Variants in TEAD1 observed in about 807,000 individuals in gnomAD.
TEAD1 encodes TEA domain transcription factor 1, also known as transcriptional enhancer factor TEF-1.
A neutral mutation model predicts 54.9 loss-of-function variants in TEAD1; 9 were observed. The ratio of observed to expected loss-of-function variants is 0.16; its 90% CI spans 0.10 to 0.29. TEAD1 has a LOEUF of 0.29. TEAD1 is among the 10% of genes least tolerant of loss of function. TEAD1 has a pLI of 1.00. For synonymous variants in TEAD1, 200 were observed against 187.8 expected (o/e 1.07, Z -0.53); for missense variants, 387 against 535.9 (o/e 0.72, Z 2.74).
At chr11:12,799,857 T>C (rs1229069117) in intron 3 of TEAD1, among the ~76,000 whole-genome samples, 3 of 152,332 alleles carry the variant, frequency 2.0e-5, no homozygotes, top group Non-Finnish European at 4.4e-5. Context: ...TTTAAACTTA[T>C]ATCCCAAGCC....
intron 3 of TEAD1, among the ~76,000 whole-genome samples, chr11:12,812,374 C>G (rs1011217536): frequency 6.6e-6 from 1 of 151,966 alleles, no homozygotes; most frequent in African/African-American, 2.4e-5. Context: ...ATTAGAATCC[C>G]AAAAAGGTGA....
chr11:12,781,298 A>G (rs1454189494), intron 3 of TEAD1, among the ~76,000 whole-genome samples: 1 of 152,246 alleles, frequency 6.6e-6, no homozygotes, highest in Non-Finnish European at 1.5e-5. Context: ...CAACAAAAGT[A>G]TAAGTGGTAA....
chr11:12,838,025 G>T (rs1946943038), intron 3 of TEAD1, among the ~76,000 whole-genome samples: 1 of 152,002 alleles, frequency 6.6e-6, no homozygotes, highest in Non-Finnish European at 1.5e-5. Context: ...TCGAACTCCT[G>T]ACCTCAGATG....
intron 2 of TEAD1, among the ~76,000 whole-genome samples, chr11:12,718,321 A>G (rs1944107061): frequency 6.6e-6 from 1 of 152,106 alleles, no homozygotes; most frequent in African/African-American, 2.4e-5. Context: ...AGCATGAAAT[A>G]GAGATAATCA....
At chr11:12,766,332 A>G (rs745454631) in intron 3 of TEAD1, among the ~76,000 whole-genome samples, 15 of 152,256 alleles carry the variant, frequency 9.9e-5, no homozygotes, top group Non-Finnish European at 2.1e-4. Flanking sequence ...TAATTCAATT[A>G]TATAAATATT....
intron 2 of TEAD1, among the ~76,000 whole-genome samples, chr11:12,729,886 C>G (rs1022792015): frequency 1.3e-5 from 2 of 152,148 alleles, no homozygotes. Context: ...AAGGGTTTGC[C>G]CAGGTGAATA....
chr11:12,710,113 G>A (rs1943903909), intron 2 of TEAD1, among the ~76,000 whole-genome samples: 1 of 152,006 alleles, frequency 6.6e-6, no homozygotes, highest in Admixed American at 6.6e-5. Flanking sequence ...GGTCACTTGA[G>A]CCCAGGAGTT....
Position 12,921,010 on chromosome 11 carries a change from A to G in TEAD1, c.874-3902A>G, listed in dbSNP as rs80235667. Among the ~76,000 whole-genome samples, 347 of 152,294 alleles carry G rather than the reference A, an allele frequency of 2.3e-3. 1 individual carries two copies. Among genetic ancestry groups the G allele is most frequent in the African/African-American group, 7.6e-3 (316 of 41,544 alleles). On this transcript the variant is annotated intron_variant, in intron 10 of 12. Transcript: ENST00000527636. The stretch of plus-strand genomic sequence containing the variant: ...AGTTCTAAGTGGCATAGGTATATAT[A>G]TATGTTTAACGCAAGGTTTTAGAAA...
At chr11:12,731,549 C>T (rs1331236383) in intron 2 of TEAD1, among the ~76,000 whole-genome samples, 3 of 151,904 alleles carry the variant, frequency 2.0e-5, no homozygotes, top group African/African-American at 4.8e-5. Flanking sequence ...TCAATAAATA[C>T]TTACTGCAAT....
intron 2 of TEAD1, among the ~76,000 whole-genome samples, chr11:12,687,265 T>C (rs763164866): frequency 4.6e-5 from 7 of 152,184 alleles, no homozygotes; most frequent in South Asian, 2.1e-4. Flanking sequence ...GGAAAACTTA[T>C]CTTATCATAC....
intron 11 of TEAD1, 34 bp downstream of exon 11, chr11:12,925,086 C>T: frequency 3.1e-6 from 5 of 1,612,658 alleles, no homozygotes; most frequent in Non-Finnish European, 4.2e-6. Context: ...AAACTTCATT[C>T]AAGGGCAGAC....
chr11:12,915,091 G>C (rs1286416511), intron 10 of TEAD1, among the ~76,000 whole-genome samples: 1 of 152,140 alleles, frequency 6.6e-6, no homozygotes, highest in Non-Finnish European at 1.5e-5. Context: ...TTGCAACCAG[G>C]TCATTCTCCC....
At chr11:12,759,745 C>T (rs543144970) in intron 2 of TEAD1, among the ~76,000 whole-genome samples, 2 of 152,040 alleles carry the variant, frequency 1.3e-5, no homozygotes, top group African/African-American at 4.8e-5. Flanking sequence ...GCCTGTAATC[C>T]CAGCTACTTG....
At chr11:12,732,672 A>G (rs929622936) in intron 2 of TEAD1, among the ~76,000 whole-genome samples, 3 of 152,222 alleles carry the variant, frequency 2.0e-5, no homozygotes, top group African/African-American at 4.8e-5. Flanking sequence ...AGAAAGGCAG[A>G]CAGTGGAGGA....
At chr11:12,880,968 A>C in intron 6 of TEAD1, 37 bp from the exon 7 acceptor site, 1 of 1,613,398 alleles carries the variant, frequency 6.2e-7, no homozygotes. Context: ...TTTGAAGTAA[A>C]CTCGTAATTC....
intron 2 of TEAD1, among the ~76,000 whole-genome samples, chr11:12,729,613 A>C (rs889073656): frequency 3.9e-5 from 6 of 152,238 alleles, no homozygotes; most frequent in African/African-American, 1.4e-4. Flanking sequence ...TCCATTCATT[A>C]TATTGTGTGG....
chr11:12,829,069 C>T (rs1226207858), intron 3 of TEAD1, among the ~76,000 whole-genome samples: 1 of 152,194 alleles, frequency 6.6e-6, no homozygotes, highest in African/African-American at 2.4e-5. Flanking sequence ...TAAGAGCCAT[C>T]GGTTTGTTAT....
intron 3 of TEAD1, among the ~76,000 whole-genome samples, chr11:12,807,149 G>C (rs1283343159): frequency 2.0e-5 from 3 of 152,014 alleles, no homozygotes; most frequent in African/African-American, 7.2e-5. Flanking sequence ...TTTTTGCAAA[G>C]GCACTTTGGA....
chr11:12,921,122 C>T (rs1948797303), intron 10 of TEAD1: 3 of 152,176 alleles, frequency 2.0e-5, no homozygotes, highest in African/African-American at 7.2e-5. Context: ...TGAAAGGACA[C>T]TTGAGAAATG....
Sources: gnomAD v4.1 joint callset for allele counts (sites outside exome capture counted in the v4.1 genomes callset) on GRCh38, gnomAD v4.1.1 for gene constraint, MANE v1.5 for transcripts, NCBI Gene and HGNC (gene_info 2026-07-23, HGNC 2026-07-21) for gene names.